The following IQCJ variants were observed in gnomAD, a reference collection of about 807,000 sequenced individuals.
IQCJ encodes IQ domain-containing protein J.
IQCJ carries 9 observed loss-of-function variants against 11.0 expected under a neutral mutation model. The observed-to-expected ratio is 0.82, with a 90% CI of 0.49 to 1.43. IQCJ has a LOEUF of 1.43. IQCJ is among the 40% of genes most tolerant of loss of function. The probability of loss-of-function intolerance (pLI) is 0.00; values close to 1 mark genes in which losing one functional copy is unlikely to be tolerated. For synonymous variants in IQCJ, 55 were observed against 51.3 expected (o/e 1.07, Z -0.31); for missense variants, 146 against 133.2 (o/e 1.10, Z -0.47).
At chr3:159,088,076 A>G (rs1716933970) in intron 1 of IQCJ, among the ~76,000 whole-genome samples, 1 of 151,966 alleles carries the variant, frequency 6.6e-6, no homozygotes, top group Non-Finnish European at 1.5e-5. Context: ...ATTTCCCTCT[A>G]CACACTGCTT....
intron 1 of IQCJ, among the ~76,000 whole-genome samples, chr3:159,122,952 A>T (rs2108144782): frequency 6.6e-6 from 1 of 152,294 alleles, no homozygotes. Context: ...TGTTATTATT[A>T]TGATGGTTTT....
chr3:159,171,282 G>T (rs145024930), intron 1 of IQCJ, among the ~76,000 whole-genome samples: 1 of 152,084 alleles, frequency 6.6e-6, no homozygotes. Context: ...ATTTGTTTAC[G>T]TACATGAATG....
intron 1 of IQCJ, among the ~76,000 whole-genome samples, chr3:159,114,919 C>T (rs7634206): frequency 1.1e-4 from 17 of 148,652 alleles, no homozygotes; most frequent in East Asian, 4.6e-4. Flanking sequence ...TTTCCTGCCC[C>T]CCTGCCCCCG....
chr3:159,252,576 C>A, intron 2 of IQCJ, 151 bp from the exon 3 acceptor site: 1 of 632,844 alleles, frequency 1.6e-6, no homozygotes, highest in Non-Finnish European at 2.5e-6. Flanking sequence ...GGTTACTCAT[C>A]CATCATCCAT....
chr3:159,235,458 G>A (rs1161879762), intron 1 of IQCJ, among the ~76,000 whole-genome samples: 1 of 152,176 alleles, frequency 6.6e-6, no homozygotes, highest in African/African-American at 2.4e-5. Context: ...AAGGAGAGGG[G>A]AATATTTAAG....
intron 1 of IQCJ, among the ~76,000 whole-genome samples, chr3:159,128,982 T>A (rs557161392): frequency 6.6e-6 from 1 of 152,288 alleles, no homozygotes; most frequent in South Asian, 2.1e-4. Context: ...CTATCTCTGT[T>A]TGCTAAAATC....
chr3:159,110,795 C>T (rs1002629072), intron 1 of IQCJ, among the ~76,000 whole-genome samples: 30 of 152,230 alleles, frequency 2.0e-4, no homozygotes, highest in Middle Eastern at 3.4e-3. Context: ...ATCTGAGAAT[C>T]GGGGATGTTT....
intron 1 of IQCJ, among the ~76,000 whole-genome samples, chr3:159,114,876 G>C (rs929726889): frequency 6.6e-6 from 1 of 152,108 alleles, no homozygotes; most frequent in African/African-American, 2.4e-5. Flanking sequence ...GAAGACATTT[G>C]TCAGTAAAAT....
chr3:159,196,018 T>G (rs1177355414), intron 1 of IQCJ, among the ~76,000 whole-genome samples: 1 of 152,188 alleles, frequency 6.6e-6, no homozygotes, highest in African/African-American at 2.4e-5. Context: ...ATTAGTATAC[T>G]TACCCTACAA....
At chr3:159,233,255 T>C (rs1044084352) in intron 1 of IQCJ, among the ~76,000 whole-genome samples, 1 of 152,098 alleles carries the variant, frequency 6.6e-6, no homozygotes, top group African/African-American at 2.4e-5. Context: ...TGGTATGAAG[T>C]CCTGCCAGGC....
intron 1 of IQCJ, among the ~76,000 whole-genome samples, chr3:159,088,976 T>A (rs1317789339): frequency 6.6e-6 from 1 of 152,118 alleles, no homozygotes; most frequent in Non-Finnish European, 1.5e-5. Context: ...TGTTAGCTGG[T>A]TATTTTGCTC....
At chr3:159,254,253 A>T (rs1343998231) in intron 3 of IQCJ, among the ~76,000 whole-genome samples, 1 of 151,486 alleles carries the variant, frequency 6.6e-6, no homozygotes, top group African/African-American at 2.4e-5. Context: ...AGTTAGAAAA[A>T]CTCCTGGGTC....
intron 1 of IQCJ, among the ~76,000 whole-genome samples, chr3:159,228,527 A>G (rs1318855057): frequency 6.6e-6 from 1 of 151,884 alleles, no homozygotes; most frequent in East Asian, 1.9e-4. Flanking sequence ...GCGGTGGCTC[A>G]CGCCTGTAAT....
chr3:159,247,297 G>A (rs564529171), intron 2 of IQCJ, among the ~76,000 whole-genome samples: 2 of 152,030 alleles, frequency 1.3e-5, no homozygotes, highest in East Asian at 1.9e-4. Context: ...GGGCTTCACC[G>A]TGTTGCCAGG....
chr3:159,122,168 T>C (rs1719416356), intron 1 of IQCJ, among the ~76,000 whole-genome samples: 1 of 152,160 alleles, frequency 6.6e-6, no homozygotes, highest in Admixed American at 6.5e-5. Context: ...GTCCCTGTTA[T>C]AAAGGGCATT....
chr3:159,118,039 T>A (rs1326769970), intron 1 of IQCJ, among the ~76,000 whole-genome samples: 8 of 152,208 alleles, frequency 5.3e-5, no homozygotes, highest in Admixed American at 3.3e-4. Flanking sequence ...AGTAATTTTA[T>A]TCATTCACTC....
intron 1 of IQCJ, among the ~76,000 whole-genome samples, chr3:159,182,404 G>A (rs549962148): frequency 1.3e-5 from 2 of 152,024 alleles, no homozygotes; most frequent in South Asian, 4.1e-4. Flanking sequence ...TCCTTGGCAA[G>A]AACTCAGCAA....
At chr3:159,167,863 G>A (rs1447489328) in intron 1 of IQCJ, among the ~76,000 whole-genome samples, 1 of 152,190 alleles carries the variant, frequency 6.6e-6, no homozygotes, top group African/African-American at 2.4e-5. Context: ...GATAGAGGAG[G>A]AAGAGAAGAG....
At chr3:159,149,404 A>G (rs907861514) in intron 1 of IQCJ, among the ~76,000 whole-genome samples, 1 of 152,188 alleles carries the variant, frequency 6.6e-6, no homozygotes, top group Admixed American at 6.5e-5. Context: ...AACAGCTTCT[A>G]TCGTACAGTT....
Sources: gnomAD v4.1 joint callset for allele counts (sites outside exome capture counted in the v4.1 genomes callset) on GRCh38, gnomAD v4.1.1 for gene constraint, MANE v1.5 for transcripts, NCBI Gene and HGNC (gene_info 2026-07-23, HGNC 2026-07-21) for gene names.